PTK2: variants seen among roughly 807,000 people sequenced by gnomAD.
The protein encoded by PTK2 is focal adhesion kinase 1.
In PTK2, 45 loss-of-function variants were observed where a neutral mutation model predicts 150.1. The ratio of observed to expected loss-of-function variants is 0.30; its 90% CI spans 0.24 to 0.38. The LOEUF is 0.38. Ranked by LOEUF, PTK2 falls within the 10% of genes least tolerant of loss-of-function variation. PTK2 has a pLI of 1.00. For missense variants in PTK2, 919 were observed against 1,307.3 expected, an observed-to-expected ratio of 0.70 and a Z score of 4.58; for synonymous variants, 432 against 449.2, an observed-to-expected ratio of 0.96 and a Z score of 0.48.
At chr8:140,856,479 A>G (rs1250933360) in intron 5 of PTK2, among the ~76,000 whole-genome samples, 2 of 152,252 alleles carry the variant, frequency 1.3e-5, no homozygotes, top group Non-Finnish European at 2.9e-5. Context: ...CTCAACAAGA[A>G]AACTACTGAA....
intron 23 of PTK2, among the ~76,000 whole-genome samples, chr8:140,712,335 T>C (rs975051907): frequency 6.6e-6 from 1 of 152,226 alleles, no homozygotes; most frequent in Admixed American, 6.5e-5. Flanking sequence ...TTCTGCAGTC[T>C]TACGATGTTC....
intron 7 of PTK2, among the ~76,000 whole-genome samples, chr8:140,844,184 C>A (rs2100123951): frequency 6.6e-6 from 1 of 152,200 alleles, no homozygotes; most frequent in African/African-American, 2.4e-5. Context: ...TATGGTTGCA[C>A]ACTATCAACA....
intron 8 of PTK2, among the ~76,000 whole-genome samples, chr8:140,819,713 G>A (rs1401766746): frequency 6.6e-6 from 1 of 152,188 alleles, no homozygotes; most frequent in East Asian, 1.9e-4. Context: ...AAAGGCAAGA[G>A]CACACGTGTG....
intron 30 of PTK2, among the ~76,000 whole-genome samples, chr8:140,666,281 T>A (rs2091553844): frequency 6.6e-6 from 1 of 152,132 alleles, no homozygotes; most frequent in South Asian, 2.1e-4. Context: ...GGGGTTGCAG[T>A]GAACCAAGAT....
chr8:140,855,959 TA>T (rs1195732175), intron 5 of PTK2, among the ~76,000 whole-genome samples: 2 of 151,802 alleles, frequency 1.3e-5, no homozygotes, highest in Non-Finnish European at 2.9e-5. Context: ...TACCACAATT[TA>T]AAAAAAATTG....
chr8:140,957,549 G>A (rs182885271), intron 1 of PTK2, among the ~76,000 whole-genome samples: 83 of 152,236 alleles, frequency 5.5e-4, no homozygotes, highest in African/African-American at 1.5e-3. Context: ...CTACAGTAGC[G>A]TACAGTGATA....
chr8:140,957,805 G>A (rs1375105014), intron 1 of PTK2, among the ~76,000 whole-genome samples: 1 of 152,042 alleles, frequency 6.6e-6, no homozygotes, highest in African/African-American at 2.4e-5. Flanking sequence ...AGGAGCAATA[G>A]GCTATACTAT....
rs117597601 is a variant in PTK2, at chr8:140,724,781, A to C, written c.2031-7072T>G. On this transcript the variant is annotated intron_variant, in intron 22 of 31. Coordinates refer to ENST00000522684, the Ensembl canonical transcript of PTK2. ...GGAATGGAATTGGCCTTTTAAAAACAAAACAAAACCAAACAAAACCCTACC... is the reference window on the plus strand; with the variant it reads ...GGAATGGAATTGGCCTTTTAAAAACCAAACAAAACCAAACAAAACCCTACC... 5.5e-3 allele frequency among the ~76,000 whole-genome samples: 838 copies of C among 152,380 alleles called. 3 individuals carry two copies. The highest frequency in any genetic ancestry group is 1.0e-2 in the Non-Finnish European group (679 of 68,038).
At chr8:140,734,990 T>G in intron 22 of PTK2, 2 of 519,176 alleles carry the variant, frequency 3.9e-6, no homozygotes, top group Non-Finnish European at 6.9e-6. Context: ...ACGGGTCTTG[T>G]AAGCCATGCT....
At chr8:140,865,799 T>A (rs2100138938) in intron 4 of PTK2, among the ~76,000 whole-genome samples, 1 of 152,200 alleles carries the variant, frequency 6.6e-6, no homozygotes, top group South Asian at 2.1e-4. Context: ...TCTCTCTTTT[T>A]TTGAGACAGG....
intron 7 of PTK2, among the ~76,000 whole-genome samples, chr8:140,840,907 A>T (rs1190923133): frequency 6.6e-6 from 1 of 152,300 alleles, no homozygotes; most frequent in East Asian, 1.9e-4. Flanking sequence ...TGAAGAAATG[A>T]AAAGTATAAA....
At chr8:140,702,685 T>G (rs762853642) in exon 25 of PTK2, 1 of 1,613,894 alleles carries the variant, frequency 6.2e-7, no homozygotes, top group Non-Finnish European at 8.5e-7. Context: ...TGTGATTCCA[T>G]GTGAACCAGG....
At chr8:140,681,554 G>A (rs1589818901) in intron 27 of PTK2, among the ~76,000 whole-genome samples, 1 of 151,914 alleles carries the variant, frequency 6.6e-6, no homozygotes, top group South Asian at 2.1e-4. Flanking sequence ...GGCAGGGGGG[G>A]ATCACGAAGT....
Position 140,904,170 on chromosome 8 carries a change from G to A in PTK2, c.-32-13401C>T, listed in dbSNP as rs1036456769. Reference sequence around the variant, plus strand: ...AATAGCTCTTATTATTTTGAGATACGTTCCATCAATACGTACTTTATTGAG... The same window carrying A: ...AATAGCTCTTATTATTTTGAGATACATTCCATCAATACGTACTTTATTGAG... On this transcript the variant is annotated intron_variant, in intron 2 of 31. Transcript: ENST00000522684. Among the ~76,000 whole-genome samples the A allele has an allele frequency of 7.9e-5, 12 of 152,254 alleles. No individual in the cohort carries two copies. In the East Asian group the frequency reaches 1.2e-3, roughly 15 times the overall value.
intron 23 of PTK2, among the ~76,000 whole-genome samples, chr8:140,708,546 G>A (rs913754694): frequency 1.8e-4 from 28 of 152,174 alleles, no homozygotes; most frequent in African/African-American, 6.5e-4. Context: ...AATTCCTGAG[G>A]GTGAAAAATC....
At chr8:140,750,782 G>A (rs2154516555) in intron 17 of PTK2, among the ~76,000 whole-genome samples, 1 of 152,294 alleles carries the variant, frequency 6.6e-6, no homozygotes, top group East Asian at 1.9e-4. Context: ...GAGGAATGGA[G>A]GTGGAGAAAA....
At chr8:140,988,145 T>C (rs761664190) in intron 1 of PTK2, among the ~76,000 whole-genome samples, 2 of 151,712 alleles carry the variant, frequency 1.3e-5, no homozygotes, top group South Asian at 2.1e-4. Flanking sequence ...TCTACACCCA[T>C]ACAAAGCCTT....
At chr8:140,961,039 G>C (rs555008479) in intron 1 of PTK2, among the ~76,000 whole-genome samples, 121 of 152,278 alleles carry the variant, frequency 7.9e-4, no homozygotes, top group African/African-American at 2.7e-3. Flanking sequence ...GTACTTTAAA[G>C]TCAGAAAAGC....
At chr8:140,769,659 GA>G (rs1363621659) in intron 14 of PTK2, 67 bp from the exon 16 acceptor site, 3 of 1,089,260 alleles carry the variant, frequency 2.8e-6, no homozygotes, top group Non-Finnish European at 3.8e-6. Flanking sequence ...ATAGGAAGGA[GA>G]AGAGGGAAGA....
Sources: gnomAD v4.1 joint callset for allele counts (sites outside exome capture counted in the v4.1 genomes callset) on GRCh38, gnomAD v4.1.1 for gene constraint, MANE v1.5 for transcripts, NCBI Gene and HGNC (gene_info 2026-07-23, HGNC 2026-07-21) for gene names.